Variants in WWOX observed in about 807,000 individuals in gnomAD.
WWOX encodes WW domain-containing oxidoreductase.
Under a neutral mutation model 46.2 loss-of-function variants are expected in WWOX, and 69 were observed. The observed-to-expected ratio is 1.49, with a 90% CI of 1.23 to 1.82. The LOEUF is 1.82. Among genes scored for constraint, WWOX ranks in the 40% most tolerant of loss-of-function variants. The pLI is 0.00. For synonymous variants in WWOX, 359 were observed against 202.6 expected (o/e 1.77, Z -6.56); for missense variants, 919 against 542.6 (o/e 1.69, Z -6.89).
At chr16:78,819,482 A>G (rs1310497426) in intron 8 of WWOX, among the ~76,000 whole-genome samples, 11 of 152,146 alleles carry the variant, frequency 7.2e-5, no homozygotes, top group Admixed American at 7.2e-4. Context: ...TTTTCTAGAA[A>G]TTTCTGCATA....
intron 8 of WWOX, among the ~76,000 whole-genome samples, chr16:78,637,492 A>G (rs1223099534): frequency 6.6e-6 from 1 of 152,156 alleles, no homozygotes; most frequent in East Asian, 1.9e-4. Flanking sequence ...GAGGCTTTTA[A>G]AGATACCCAG....
intron 8 of WWOX, among the ~76,000 whole-genome samples, chr16:78,646,864 C>CGCTGTGTTAG (rs1567461253): frequency 1.3e-5 from 2 of 152,138 alleles, no homozygotes; most frequent in African/African-American, 4.8e-5. Context: ...TGCTGTGTCA[C>CGCTGTGTTAG]GCTGTGTTAG....
At chr16:78,762,325 G>A (rs2049814452) in intron 8 of WWOX, among the ~76,000 whole-genome samples, 1 of 152,160 alleles carries the variant, frequency 6.6e-6, no homozygotes, top group Non-Finnish European at 1.5e-5. Flanking sequence ...GCTTGCTGGA[G>A]GTACAGAATC....
At chr16:78,966,889 G>C (rs983956461) in intron 8 of WWOX, among the ~76,000 whole-genome samples, 1 of 152,200 alleles carries the variant, frequency 6.6e-6, no homozygotes, top group African/African-American at 2.4e-5. Context: ...TAGAGTTGCA[G>C]TGGAGATTGA....
intron 4 of WWOX, among the ~76,000 whole-genome samples, chr16:78,130,652 G>A (rs2033552771): frequency 6.6e-6 from 1 of 152,192 alleles, no homozygotes; most frequent in Non-Finnish European, 1.5e-5. Flanking sequence ...CTTGAGCTTG[G>A]TTTAGAGTCT....
chr16:78,862,770 A>T (rs1174545566), intron 8 of WWOX, among the ~76,000 whole-genome samples: 2 of 152,206 alleles, frequency 1.3e-5, no homozygotes, highest in Non-Finnish European at 2.9e-5. Flanking sequence ...TCAGGCCTTC[A>T]ACAGATTGTA....
chr16:78,497,850 T>C (rs1002757601), intron 8 of WWOX, among the ~76,000 whole-genome samples: 4 of 73,908 alleles, frequency 5.4e-5, no homozygotes, highest in Non-Finnish European at 1.6e-4. Context: ...CCGGAGTTAC[T>C]GAGAATTATA....
intron 8 of WWOX, among the ~76,000 whole-genome samples, chr16:78,727,789 A>G (rs1018979021): frequency 6.6e-6 from 1 of 152,086 alleles, no homozygotes; most frequent in Non-Finnish European, 1.5e-5. Context: ...GTGGTGAGAC[A>G]GGGAATGGTA....
At chr16:79,158,715 T>C (rs2050429368) in intron 8 of WWOX, among the ~76,000 whole-genome samples, 1 of 152,232 alleles carries the variant, frequency 6.6e-6, no homozygotes, top group Admixed American at 6.5e-5. Flanking sequence ...CTCAGATTAA[T>C]TGTCGCCTTT....
At chr16:79,194,104 A>C (rs1382961837) in intron 8 of WWOX, among the ~76,000 whole-genome samples, 1 of 152,124 alleles carries the variant, frequency 6.6e-6, no homozygotes, top group Non-Finnish European at 1.5e-5. Context: ...TGTACAAAGA[A>C]AGTTTAGAGC....
chr16:78,742,749 T>C (rs959168815), intron 8 of WWOX, among the ~76,000 whole-genome samples: 13 of 152,188 alleles, frequency 8.5e-5, no homozygotes, highest in African/African-American at 2.4e-4. Flanking sequence ...CTTTGGTTTA[T>C]CGTGTGAGTT....
chr16:78,368,847 G>A (rs1405793409), intron 5 of WWOX, among the ~76,000 whole-genome samples: 2 of 152,162 alleles, frequency 1.3e-5, no homozygotes, highest in Admixed American at 6.5e-5. Flanking sequence ...GCCCTGTGCC[G>A]GTGCCCAAAC....
At chr16:78,394,263 G>A (rs372594091) in intron 6 of WWOX, among the ~76,000 whole-genome samples, 18 of 152,232 alleles carry the variant, frequency 1.2e-4, no homozygotes, top group Admixed American at 6.5e-4. Context: ...TCTCTACACA[G>A]TATGAAAACC....
intron 5 of WWOX, among the ~76,000 whole-genome samples, chr16:78,303,952 C>G (rs1449368556): frequency 6.6e-6 from 1 of 152,226 alleles, no homozygotes; most frequent in Non-Finnish European, 1.5e-5. Flanking sequence ...ATACGCAATT[C>G]TAGCAGCTTC....
chr16:78,335,165 A>T (rs184167324), intron 5 of WWOX, among the ~76,000 whole-genome samples: 1 of 152,268 alleles, frequency 6.6e-6, no homozygotes, highest in East Asian at 1.9e-4. Context: ...TACATGTGTA[A>T]GATGTGCAAG....
In WWOX at chr16:78,617,346, G is replaced by C. The variant is rs141318667; in HGVS notation, c.1056+184594G>C. 7.8e-3 allele frequency among the ~76,000 whole-genome samples: 1,174 copies of C among 150,390 alleles called. 20 individuals carry two copies. The highest frequency in any genetic ancestry group is 0.027 in the African/African-American group (1,115 of 40,812). ...GAGCCCAGGAGGCAGAGGTTGCAGT[G>C]AGCCGACATTGCACCACTGCACCCC... On this transcript the variant is annotated intron_variant, in intron 8 of 8. Transcript: ENST00000566780.
At chr16:78,407,313 C>G (rs2082571106) in intron 6 of WWOX, among the ~76,000 whole-genome samples, 2 of 152,124 alleles carry the variant, frequency 1.3e-5, no homozygotes, top group South Asian at 2.1e-4. Flanking sequence ...TTGAGAAATG[C>G]CCCAGATGGT....
chr16:78,828,823 G>A (rs115890575), intron 8 of WWOX, among the ~76,000 whole-genome samples: 213 of 152,250 alleles, frequency 1.4e-3, no homozygotes, highest in African/African-American at 4.9e-3. Flanking sequence ...ACTATGTAAT[G>A]GAGACTCTCA....
At chr16:79,094,040 A>C (rs918308237) in intron 8 of WWOX, among the ~76,000 whole-genome samples, 1 of 152,208 alleles carries the variant, frequency 6.6e-6, no homozygotes, top group Non-Finnish European at 1.5e-5. Context: ...GGGGTCACTC[A>C]GAAGTAGTGG....
Sources: allele counts gnomAD v4.1 joint callset (sites outside exome capture counted in the v4.1 genomes callset), GRCh38; gene constraint gnomAD v4.1.1; transcripts MANE v1.5; gene names NCBI Gene and HGNC (gene_info 2026-07-23, HGNC 2026-07-21).